The following ERBB4 variants were observed in gnomAD, a reference collection of about 807,000 sequenced individuals.
ERBB4 encodes receptor tyrosine-protein kinase erbB-4.
Under a neutral mutation model 158.0 loss-of-function variants are expected in ERBB4, and 42 were observed. That is an observed-to-expected ratio of 0.27 (90% CI 0.21 to 0.34). The LOEUF (loss-of-function observed/expected upper bound fraction) is 0.34. ERBB4 is among the 10% of genes least tolerant of loss of function. The pLI is 1.00. For synonymous variants in ERBB4, 583 were observed against 558.7 expected, an observed-to-expected ratio of 1.04 and a Z score of -0.61; for missense variants, 1,333 against 1,624.1, an observed-to-expected ratio of 0.82 and a Z score of 3.08.
intron 3 of ERBB4, among the ~76,000 whole-genome samples, chr2:211,822,419 G>A (rs1314198568): frequency 1.3e-5 from 2 of 151,974 alleles, no homozygotes; most frequent in African/African-American, 4.8e-5. Context: ...TAGATATAAC[G>A]TGTCAATTTA....
chr2:212,031,581 T>C (rs754323898), intron 2 of ERBB4, among the ~76,000 whole-genome samples: 1 of 152,178 alleles, frequency 6.6e-6, no homozygotes, highest in South Asian at 2.1e-4. Flanking sequence ...CGTGATTCTC[T>C]TGCAGAGCAG....
intron 1 of ERBB4, among the ~76,000 whole-genome samples, chr2:212,482,111 G>T (rs1351099745): frequency 6.6e-6 from 1 of 152,216 alleles, no homozygotes; most frequent in Non-Finnish European, 1.5e-5. Flanking sequence ...TTCAAACTGT[G>T]TTGACACTGA....
At chr2:212,322,265 A>G (rs1447234033) in intron 1 of ERBB4, among the ~76,000 whole-genome samples, 2 of 150,412 alleles carry the variant, frequency 1.3e-5, no homozygotes, top group East Asian at 2.0e-4. Flanking sequence ...AACTTCACCA[A>G]CTTGATCTCT....
intron 3 of ERBB4, among the ~76,000 whole-genome samples, chr2:211,823,725 A>T (rs1193766085): frequency 2.0e-5 from 3 of 152,042 alleles, no homozygotes; most frequent in Non-Finnish European, 4.4e-5. Context: ...TGAAAATGTC[A>T]TTAATCAATG....
Position 211,874,731 on chromosome 2 carries a change from A to T in ERBB4, c.421+72699T>A, listed in dbSNP as rs541474021. On this transcript the variant is annotated intron_variant, in intron 3 of 27. Transcript: ENST00000342788. ...CATGCCATGCCATACAGCAACAGAG[A>T]TTCCTCTTCAGCAGTTTAGCCATCT... Among the ~76,000 whole-genome samples the T allele has an allele frequency of 1.4e-4, 21 of 152,212 alleles. No individual in the cohort carries two copies. In the South Asian group the frequency reaches 4.4e-3, roughly 32 times the overall value.
intron 27 of ERBB4, among the ~76,000 whole-genome samples, chr2:211,386,466 A>G (rs575753951): frequency 2.0e-5 from 3 of 152,340 alleles, no homozygotes; most frequent in Admixed American, 2.0e-4. Context: ...CAACAATACC[A>G]GTCTTTCTGA....
At chr2:212,269,342 T>C (rs945906094) in intron 1 of ERBB4, among the ~76,000 whole-genome samples, 1 of 151,794 alleles carries the variant, frequency 6.6e-6, no homozygotes, top group Non-Finnish European at 1.5e-5. Context: ...ATGCTTTGTG[T>C]TGAGTATGCC....
In ERBB4 at chr2:211,386,644, C is replaced by G. The variant is rs560503916; in HGVS notation, c.3481+209G>C. Among the ~76,000 whole-genome samples, 7 of 152,254 alleles carry G rather than the reference C, an allele frequency of 4.6e-5. No individual in the cohort carries two copies. In the East Asian group the frequency reaches 1.4e-3, roughly 29 times the overall value. On this transcript the variant is annotated intron_variant, in intron 27 of 27. Transcript: ENST00000342788. ...ATCCAGATTCCTATTCAGACGGGGC[C>G]TGCCTGAGATTCTGATTTATATAAA... is the stretch of plus-strand genomic sequence containing the variant.
At chr2:212,281,616 C>G (rs372795274) in intron 1 of ERBB4, among the ~76,000 whole-genome samples, 1 of 151,802 alleles carries the variant, frequency 6.6e-6, no homozygotes, top group Non-Finnish European at 1.5e-5. Context: ...TCTCTCCTTA[C>G]AAGGCAAGCA....
intron 1 of ERBB4, among the ~76,000 whole-genome samples, chr2:212,277,797 C>T (rs1490751428): frequency 6.6e-6 from 1 of 151,650 alleles, no homozygotes; most frequent in Non-Finnish European, 1.5e-5. Flanking sequence ...GTGGTAGGTG[C>T]TTAATACTTG....
chr2:212,259,998 G>A (rs1236789985), intron 1 of ERBB4, among the ~76,000 whole-genome samples: 5 of 151,752 alleles, frequency 3.3e-5, no homozygotes, highest in African/African-American at 1.2e-4. Flanking sequence ...GAACCCGGGA[G>A]GCAGAGGTTG....
chr2:212,483,886 G>A (rs1186081039), intron 1 of ERBB4, among the ~76,000 whole-genome samples: 1 of 152,102 alleles, frequency 6.6e-6, no homozygotes, highest in Non-Finnish European at 1.5e-5. Context: ...ACAAGCGCCT[G>A]CAACCACGCC....
At chr2:211,718,849 TA>T (rs1390963393) in intron 7 of ERBB4, among the ~76,000 whole-genome samples, 1 of 152,142 alleles carries the variant, frequency 6.6e-6, no homozygotes, top group African/African-American at 2.4e-5. Flanking sequence ...CAACAACAAA[TA>T]ATGCAGGCTT....
chr2:211,540,123 T>C (rs1461011576), intron 20 of ERBB4, among the ~76,000 whole-genome samples: 1 of 151,710 alleles, frequency 6.6e-6, no homozygotes, highest in African/African-American at 2.4e-5. Flanking sequence ...TTGCTCATTA[T>C]CTGTTTTCTA....
chr2:211,676,393 CAG>C (rs1003147136), intron 13 of ERBB4, among the ~76,000 whole-genome samples: 3 of 152,052 alleles, frequency 2.0e-5, no homozygotes, highest in African/African-American at 7.2e-5. Context: ...ATATAAAAAA[CAG>C]TGTGGTAATC....
At chr2:211,923,597 G>C (rs2079932304) in intron 3 of ERBB4, among the ~76,000 whole-genome samples, 1 of 152,078 alleles carries the variant, frequency 6.6e-6, no homozygotes, top group African/African-American at 2.4e-5. Context: ...AAATGAAAAG[G>C]TTCAAGTAGA....
At chr2:211,800,693 G>T (rs2076481039) in intron 3 of ERBB4, among the ~76,000 whole-genome samples, 1 of 149,608 alleles carries the variant, frequency 6.7e-6, no homozygotes, top group Non-Finnish European at 1.5e-5. Flanking sequence ...TCTTGGCTCT[G>T]GTAGATGTCT....
At chr2:211,443,204 T>C (rs1329383475) in intron 20 of ERBB4, among the ~76,000 whole-genome samples, 4 of 152,046 alleles carry the variant, frequency 2.6e-5, no homozygotes, top group Non-Finnish European at 4.4e-5. Flanking sequence ...CATAACCTCA[T>C]AACAATTAAA....
At chr2:211,874,329 A>T (rs2078437451) in intron 3 of ERBB4, among the ~76,000 whole-genome samples, 1 of 152,138 alleles carries the variant, frequency 6.6e-6, no homozygotes, top group Non-Finnish European at 1.5e-5. Flanking sequence ...ACTGTAATCC[A>T]TCTTTATTTT....
Sources: gnomAD v4.1 joint callset for allele counts (sites outside exome capture counted in the v4.1 genomes callset) on GRCh38, gnomAD v4.1.1 for gene constraint, MANE v1.5 for transcripts, NCBI Gene and HGNC (gene_info 2026-07-23, HGNC 2026-07-21) for gene names.